MYO1D: variants seen among roughly 807,000 people sequenced by gnomAD.
MYO1D encodes unconventional myosin-Id.
A neutral mutation model predicts 122.0 loss-of-function variants in MYO1D; 83 were observed. The observed-to-expected ratio is 0.68, with a 90% CI of 0.57 to 0.82. The LOEUF (loss-of-function observed/expected upper bound fraction) is 0.82. Ranked by LOEUF, MYO1D falls within the 40% of genes least tolerant of loss-of-function variation. MYO1D has a pLI of 0.00. For missense variants in MYO1D, 1,157 were observed against 1,269.5 expected (o/e 0.91, Z 1.35); for synonymous variants, 464 against 446.9 (o/e 1.04, Z -0.48).
chr17:32,777,716 C>T (rs1200141786), intron 3 of MYO1D, among the ~76,000 whole-genome samples: 1 of 151,924 alleles, frequency 6.6e-6, no homozygotes, highest in African/African-American at 2.4e-5. Context: ...GAGACCGAGG[C>T]GGACGGGTCA....
chr17:32,563,010 C>G lies in MYO1D; in HGVS notation c.2864+42077G>C, dbSNP rs887420533. ...CAGCAGCAATATATCAATGCAGAAC[C>G]TTACTGCATTCTCGTGAATGTAGAC... On this transcript the variant is annotated intron_variant, in intron 21 of 21. Transcript: ENST00000318217. Among the ~76,000 whole-genome samples the G allele has an allele frequency of 5.3e-5, 8 of 152,008 alleles. No individual in the cohort carries two copies. The East Asian group carries it at 1.5e-3, about 29-fold the overall frequency.
intron 21 of MYO1D, among the ~76,000 whole-genome samples, chr17:32,568,850 C>T (rs2087197181): frequency 2.0e-5 from 3 of 152,222 alleles, no homozygotes; most frequent in Non-Finnish European, 2.9e-5. Flanking sequence ...AGTGCAGTTG[C>T]ACCTACTCAC....
At chr17:32,630,024 T>C (rs1185043124) in intron 20 of MYO1D, among the ~76,000 whole-genome samples, 1 of 152,202 alleles carries the variant, frequency 6.6e-6, no homozygotes. Flanking sequence ...GGGGGAAGGC[T>C]AGAATGACTC....
intron 16 of MYO1D, among the ~76,000 whole-genome samples, chr17:32,680,853 A>G (rs1164520007): frequency 6.6e-6 from 1 of 152,154 alleles, no homozygotes; most frequent in Non-Finnish European, 1.5e-5. Context: ...TACCTCTGGT[A>G]GAATTCGGCT....
At chr17:32,810,213 C>T (rs1420903799) in intron 1 of MYO1D, among the ~76,000 whole-genome samples, 1 of 152,028 alleles carries the variant, frequency 6.6e-6, no homozygotes, top group Non-Finnish European at 1.5e-5. Context: ...GAGAAGAGCA[C>T]CCAGACAGCA....
intron 1 of MYO1D, among the ~76,000 whole-genome samples, chr17:32,792,083 T>C (rs1042813309): frequency 6.6e-6 from 1 of 152,236 alleles, no homozygotes; most frequent in Admixed American, 6.5e-5. Flanking sequence ...TACAATAATA[T>C]ATTTAATCAG....
chr17:32,845,556 A>G (rs1655631891), intron 1 of MYO1D, among the ~76,000 whole-genome samples: 1 of 137,860 alleles, frequency 7.3e-6, no homozygotes, highest in Admixed American at 6.9e-5. Flanking sequence ...TATAAGATAA[A>G]CAGTCTCAGT....
At chr17:32,693,309 C>A (rs1317838876) in intron 16 of MYO1D, among the ~76,000 whole-genome samples, 1 of 148,348 alleles carries the variant, frequency 6.7e-6, no homozygotes, top group Non-Finnish European at 1.5e-5. Context: ...AAAATGTTGT[C>A]ATGGAGACAA....
intron 1 of MYO1D, among the ~76,000 whole-genome samples, chr17:32,805,305 T>G (rs2090501238): frequency 1.3e-5 from 2 of 152,186 alleles, no homozygotes; most frequent in Non-Finnish European, 2.9e-5. Flanking sequence ...CCAAACAAAC[T>G]AAGACATTAG....
chr17:32,692,212 G>A (rs1163796310), intron 16 of MYO1D, among the ~76,000 whole-genome samples: 1 of 152,152 alleles, frequency 6.6e-6, no homozygotes, highest in African/African-American at 2.4e-5. Context: ...AGCAAAACTT[G>A]ATAGTCCAAG....
chr17:32,655,167 G>C (rs2088458132), intron 17 of MYO1D, among the ~76,000 whole-genome samples: 1 of 152,188 alleles, frequency 6.6e-6, no homozygotes, highest in African/African-American at 2.4e-5. Context: ...CTAGAACTTA[G>C]TGATACATGG....
At chr17:32,818,432 T>G (rs2090632581) in intron 1 of MYO1D, among the ~76,000 whole-genome samples, 1 of 152,114 alleles carries the variant, frequency 6.6e-6, no homozygotes, top group Non-Finnish European at 1.5e-5. Flanking sequence ...TACCACCACT[T>G]GAGATGACAC....
Position 32,494,663 on chromosome 17 carries a change from G to A in MYO1D, c.*96C>T. On this transcript the variant is annotated 3_prime_UTR_variant, in exon 22 of 22. Coordinates refer to ENST00000318217, the MANE Select transcript of MYO1D (RefSeq NM_015194.3). ...GGCTCCTCTGGGAGGGGCCCTCGCA[G>A]CAGGTTTCTAGCGGGCATGGGTTGG... is the stretch of plus-strand genomic sequence containing the variant. 5 of 1,384,330 alleles carry A rather than the reference G, an allele frequency of 3.6e-6. No homozygotes were observed. Among genetic ancestry groups the A allele is most frequent in the Non-Finnish European group, 3.8e-6 (4 of 1,043,172 alleles). The allele number at this position is 1,384,330 out of a possible 1,614,324, so 85.8% of individuals were successfully genotyped here.
At chr17:32,595,173 T>C (rs1444652166) in intron 21 of MYO1D, among the ~76,000 whole-genome samples, 1 of 152,146 alleles carries the variant, frequency 6.6e-6, no homozygotes, top group African/African-American at 2.4e-5. Context: ...CAGAAGTTGG[T>C]TAACGGATAT....
At chr17:32,545,695 C>G (rs948814066) in intron 21 of MYO1D, among the ~76,000 whole-genome samples, 31 of 151,976 alleles carry the variant, frequency 2.0e-4, no homozygotes, top group Non-Finnish European at 3.4e-4. Flanking sequence ...TATTGTGATA[C>G]ATAACCTCTC....
intron 21 of MYO1D, among the ~76,000 whole-genome samples, chr17:32,566,225 C>T (rs1303953079): frequency 6.6e-6 from 1 of 151,856 alleles, no homozygotes; most frequent in African/African-American, 2.4e-5. Flanking sequence ...GGAAGTACAA[C>T]TGTGGTGTTA....
chr17:32,859,587 C>T (rs192879369), intron 1 of MYO1D, among the ~76,000 whole-genome samples: 1 of 152,194 alleles, frequency 6.6e-6, no homozygotes, highest in Non-Finnish European at 1.5e-5. Flanking sequence ...AAATCTACAT[C>T]TCTTCACTTT....
At chr17:32,844,275 TGA>T (rs1491194113) in intron 1 of MYO1D, among the ~76,000 whole-genome samples, 1 of 146,898 alleles carries the variant, frequency 6.8e-6, no homozygotes, top group Non-Finnish European at 1.5e-5. Context: ...ATATCATATA[TGA>T]TATATATATC....
intron 1 of MYO1D, among the ~76,000 whole-genome samples, chr17:32,831,046 A>T (rs889029066): frequency 2.6e-5 from 4 of 152,084 alleles, no homozygotes; most frequent in South Asian, 4.1e-4. Flanking sequence ...ACAGTGCAAG[A>T]CTCCGTCTCG....
Sources: gnomAD v4.1 joint callset for allele counts (sites outside exome capture counted in the v4.1 genomes callset) on GRCh38, gnomAD v4.1.1 for gene constraint, MANE v1.5 for transcripts, NCBI Gene and HGNC (gene_info 2026-07-23, HGNC 2026-07-21) for gene names.